The following GALNTL6 variants were observed in gnomAD, a reference collection of about 807,000 sequenced individuals.
The protein encoded by GALNTL6 is polypeptide N-acetylgalactosaminyltransferase like 6, also known as polypeptide N-acetylgalactosaminyltransferase-like 6.
Under a neutral mutation model 73.7 loss-of-function variants are expected in GALNTL6, and 46 were observed. The observed-to-expected ratio is 0.62, with a 90% confidence interval of 0.49 to 0.80. The LOEUF (loss-of-function observed/expected upper bound fraction) is 0.80, where lower values mean the gene tolerates loss of function less well. Ranked by LOEUF, GALNTL6 falls within the 30% of genes least tolerant of loss-of-function variation. GALNTL6 has a pLI of 0.00. For missense variants in GALNTL6, 604 were observed against 755.0 expected (o/e 0.80, Z 2.34); for synonymous variants, 259 against 263.7 (o/e 0.98, Z 0.17).
At chr4:172,160,810 CAG>C (rs907924092) in intron 2 of GALNTL6, among the ~76,000 whole-genome samples, 2 of 151,014 alleles carry the variant, frequency 1.3e-5, no homozygotes, top group Admixed American at 6.6e-5. Flanking sequence ...TATAAAGAAA[CAG>C]AGGGCACATA....
At chr4:172,863,363 C>T (rs542709122) in intron 7 of GALNTL6, among the ~76,000 whole-genome samples, 2 of 152,206 alleles carry the variant, frequency 1.3e-5, no homozygotes. Context: ...CCTGAGAAAG[C>T]AGCCAGGAAG....
chr4:172,896,423 C>T (rs1362333897), intron 8 of GALNTL6, among the ~76,000 whole-genome samples: 1 of 152,186 alleles, frequency 6.6e-6, no homozygotes, highest in Admixed American at 6.5e-5. Flanking sequence ...TCAGTCCAGA[C>T]AGACCTGGGG....
chr4:171,911,327 T>C (rs1737470737), intron 2 of GALNTL6, among the ~76,000 whole-genome samples: 3 of 152,074 alleles, frequency 2.0e-5, no homozygotes. Flanking sequence ...AACCAGCTAA[T>C]TTTTGTATTT....
chr4:171,938,734 C>G (rs1318590211), intron 2 of GALNTL6, among the ~76,000 whole-genome samples: 1 of 152,150 alleles, frequency 6.6e-6, no homozygotes, highest in South Asian at 2.1e-4. Flanking sequence ...ATTATTAACT[C>G]CAATCACCGT....
chr4:171,831,624 G>T (rs1360325453), intron 2 of GALNTL6, among the ~76,000 whole-genome samples: 2 of 151,798 alleles, frequency 1.3e-5, no homozygotes, highest in East Asian at 3.9e-4. Flanking sequence ...ATAAAAGAAG[G>T]TTTATTGGCT....
At chr4:172,168,308 A>T (rs1007051514) in intron 2 of GALNTL6, among the ~76,000 whole-genome samples, 1 of 152,104 alleles carries the variant, frequency 6.6e-6, no homozygotes, top group Admixed American at 6.5e-5. Context: ...TTTGAGAAGG[A>T]GTCTTGCTCT....
chr4:172,173,626 A>G (rs1240418514), intron 2 of GALNTL6, among the ~76,000 whole-genome samples: 2 of 152,242 alleles, frequency 1.3e-5, no homozygotes, highest in Admixed American at 1.3e-4. Flanking sequence ...AATGAACAAG[A>G]GAGTCATTTG....
At chr4:171,852,857 T>C (rs954712558) in intron 2 of GALNTL6, among the ~76,000 whole-genome samples, 4 of 151,888 alleles carry the variant, frequency 2.6e-5, no homozygotes, top group Non-Finnish European at 5.9e-5. Context: ...TTTTTTGTTT[T>C]TGTTTTTGAG....
chr4:172,085,783 A>G (rs569249911), intron 2 of GALNTL6, among the ~76,000 whole-genome samples: 3 of 152,146 alleles, frequency 2.0e-5, no homozygotes, highest in African/African-American at 4.8e-5. Context: ...CTTTCTATAT[A>G]AAGTTTAATT....
At chr4:172,299,218 C>CA (rs1180925420) in intron 3 of GALNTL6, among the ~76,000 whole-genome samples, 5 of 152,062 alleles carry the variant, frequency 3.3e-5, no homozygotes, top group East Asian at 1.9e-4. Context: ...GTGATATCCC[C>CA]TTTATCATTT....
chr4:172,986,588 T>C (rs1214387581), intron 10 of GALNTL6, among the ~76,000 whole-genome samples: 1 of 152,202 alleles, frequency 6.6e-6, no homozygotes, highest in Non-Finnish European at 1.5e-5. Flanking sequence ...CATATATTTT[T>C]AGTCAGCTTT....
At chr4:172,393,329 C>T (rs191179196) in intron 5 of GALNTL6, among the ~76,000 whole-genome samples, 3 of 152,296 alleles carry the variant, frequency 2.0e-5, no homozygotes, top group Admixed American at 1.3e-4. Context: ...ACATATCTGT[C>T]CCAGGATTGT....
intron 5 of GALNTL6, among the ~76,000 whole-genome samples, chr4:172,804,858 G>C (rs1466445103): frequency 6.6e-6 from 1 of 152,172 alleles, no homozygotes; most frequent in Non-Finnish European, 1.5e-5. Flanking sequence ...ATAGTGACCA[G>C]AGAAAATGCC....
chr4:172,040,216 C>T (rs1323271046), intron 2 of GALNTL6, among the ~76,000 whole-genome samples: 3 of 151,536 alleles, frequency 2.0e-5, no homozygotes, highest in African/African-American at 7.3e-5. Context: ...CTATGAAAGA[C>T]ATTTTGTGTA....
intron 2 of GALNTL6, among the ~76,000 whole-genome samples, chr4:171,878,596 C>T (rs537400658): frequency 1.3e-4 from 19 of 151,992 alleles, no homozygotes; most frequent in South Asian, 8.3e-4. Flanking sequence ...TTTTTCATAT[C>T]GCAAGACATC....
At chr4:172,971,202 C>A (rs1264394380) in intron 10 of GALNTL6, among the ~76,000 whole-genome samples, 5 of 152,140 alleles carry the variant, frequency 3.3e-5, no homozygotes, top group Admixed American at 1.3e-4. Context: ...GGATGCAGCC[C>A]CTCAATCTTG....
intron 2 of GALNTL6, among the ~76,000 whole-genome samples, chr4:171,944,795 G>A (rs1738654389): frequency 6.6e-6 from 1 of 151,158 alleles, no homozygotes; most frequent in African/African-American, 2.4e-5. Context: ...ATTTATTGTT[G>A]CATTATACAA....
At chr4:171,876,834 A>G (rs1163152418) in intron 2 of GALNTL6, among the ~76,000 whole-genome samples, 1 of 152,226 alleles carries the variant, frequency 6.6e-6, no homozygotes, top group Non-Finnish European at 1.5e-5. Context: ...TTCGGAGGCA[A>G]CCAAGGGCTT....
At chr4:172,942,094 G>T (rs1371449997) in intron 9 of GALNTL6, among the ~76,000 whole-genome samples, 1 of 152,208 alleles carries the variant, frequency 6.6e-6, no homozygotes, top group Non-Finnish European at 1.5e-5. Flanking sequence ...TGTAAACTGA[G>T]AAATGGTCAA....
Sources: allele counts gnomAD v4.1 joint callset (sites outside exome capture counted in the v4.1 genomes callset), GRCh38; gene constraint gnomAD v4.1.1; transcripts MANE v1.5; gene names NCBI Gene and HGNC (gene_info 2026-07-23, HGNC 2026-07-21).